Variants in HOMER1 observed in about 807,000 individuals in gnomAD.
The protein encoded by HOMER1 is homer scaffold protein 1, also known as homer protein homolog 1.
Under a neutral mutation model 48.9 loss-of-function variants are expected in HOMER1, and 3 were observed. The observed-to-expected ratio is 0.06, with a 90% CI of 0.03 to 0.16. The LOEUF is 0.16. Among genes scored for constraint, HOMER1 ranks in the 10% least tolerant of loss-of-function variants. HOMER1 has a pLI of 1.00. For synonymous variants in HOMER1, 134 were observed against 146.4 expected, an observed-to-expected ratio of 0.92 and a Z score of 0.61; for missense variants, 247 against 411.4, an observed-to-expected ratio of 0.60 and a Z score of 3.46.
chr5:79,503,100 T>A (rs1418510400), intron 1 of HOMER1, among the ~76,000 whole-genome samples: 3 of 152,196 alleles, frequency 2.0e-5, no homozygotes, highest in Non-Finnish European at 4.4e-5. Context: ...ATGTAACTTT[T>A]AACTCCTCAA....
chr5:79,413,725 G>A (rs988983999), intron 5 of HOMER1, among the ~76,000 whole-genome samples: 5 of 150,900 alleles, frequency 3.3e-5, no homozygotes, highest in Non-Finnish European at 5.9e-5. Context: ...TGTGCCTGCC[G>A]CCTTCTGGGC....
chr5:79,429,721 T>TAA (rs1225477002), intron 5 of HOMER1, among the ~76,000 whole-genome samples: 8 of 152,176 alleles, frequency 5.3e-5, no homozygotes, highest in Admixed American at 5.2e-4. Context: ...GAATTAGACT[T>TAA]ATTTAAAAAT....
intron 5 of HOMER1, among the ~76,000 whole-genome samples, chr5:79,428,965 A>G (rs1413751591): frequency 2.0e-5 from 3 of 152,234 alleles, no homozygotes; most frequent in Admixed American, 6.5e-5. Flanking sequence ...TAGGCACTAA[A>G]ATTCATAGGG....
At chr5:79,499,448 C>T (rs1752513988) in intron 1 of HOMER1, among the ~76,000 whole-genome samples, 1 of 151,926 alleles carries the variant, frequency 6.6e-6, no homozygotes, top group African/African-American at 2.4e-5. Flanking sequence ...AGTATACTTA[C>T]AATAATGTTT....
chr5:79,491,191 G>C (rs1711800340), intron 1 of HOMER1, among the ~76,000 whole-genome samples: 1 of 150,344 alleles, frequency 6.7e-6, no homozygotes, highest in Admixed American at 6.6e-5. Context: ...CAGCACACTG[G>C]GAGGCTGAGG....
chr5:79,378,384 AAAGG>A (rs1748834925), intron 8 of HOMER1, among the ~76,000 whole-genome samples: 1 of 150,816 alleles, frequency 6.6e-6, no homozygotes, highest in South Asian at 2.1e-4. Flanking sequence ...AATGATTTTT[AAAGG>A]AAGAATTTAA....
chr5:79,420,845 GCT>G, intron 5 of HOMER1, among the ~76,000 whole-genome samples: 1 of 152,154 alleles, frequency 6.6e-6, no homozygotes, highest in Non-Finnish European at 1.5e-5. Context: ...ACAAAGACAT[GCT>G]CCATACATGA....
intron 5 of HOMER1, among the ~76,000 whole-genome samples, chr5:79,408,143 T>A (rs562642968): frequency 6.6e-6 from 1 of 152,122 alleles, no homozygotes; most frequent in Admixed American, 6.5e-5. Flanking sequence ...CTACTATCCA[T>A]GGTTTCAGGC....
In HOMER1 at chr5:79,447,063, G is replaced by A. The variant is rs772448106; in HGVS notation, c.377C>T (p.Thr126Ile). 2.5e-6 allele frequency: 4 copies of A among 1,588,952 alleles called. No individual in the cohort carries two copies. The highest frequency in any genetic ancestry group is 1.7e-5 in the Admixed American group (1 of 59,990). The change falls in exon 4 of 9, where the codon ACA (threonine) becomes ATA (isoleucine). Residue 126 changes from threonine (T) to isoleucine (I), a missense_variant. By Grantham distance (89) the Thr-to-Ile change is moderately conservative. Coordinates refer to ENST00000334082, the MANE Select transcript of HOMER1 (RefSeq NM_004272.5). ...KSQEKMELTS[T>I]PSQESAGGDL... Reference sequence around the variant, plus strand: ...AAATGATATACCCACCTGTGAAGGTGTACTGGTAAGTTCCATCTTCTCTTG... The same window carrying A: ...AAATGATATACCCACCTGTGAAGGTATACTGGTAAGTTCCATCTTCTCTTG...
intron 1 of HOMER1, among the ~76,000 whole-genome samples, chr5:79,461,972 G>A (rs115539401): frequency 0.054 from 8,197 of 152,196 alleles, 550 homozygotes; most frequent in East Asian, 0.19. Context: ...GCCCAGGTGG[G>A]TTCATCACTT....
intron 1 of HOMER1, among the ~76,000 whole-genome samples, chr5:79,485,504 G>A (rs369770333): frequency 6.6e-6 from 1 of 152,272 alleles, no homozygotes; most frequent in East Asian, 1.9e-4. Flanking sequence ...CACAAAGTTT[G>A]GAACACGCTT....
intron 6 of HOMER1, among the ~76,000 whole-genome samples, chr5:79,398,824 T>C (rs1749463167): frequency 6.6e-6 from 1 of 152,154 alleles, no homozygotes; most frequent in African/African-American, 2.4e-5. Flanking sequence ...TAAGAACAAG[T>C]GATATTCATT....
At chr5:79,379,381 T>TTTTATATATTATATAAATATTTATATA (rs1748898664) in intron 8 of HOMER1, among the ~76,000 whole-genome samples, 1 of 111,080 alleles carries the variant, frequency 9.0e-6, no homozygotes, top group South Asian at 2.4e-4. Context: ...TATTTATATA[T>TTTTATATATTATATAAATATTTATATA]TTTATATATT....
chr5:79,379,705 A>G (rs934515482), intron 8 of HOMER1, among the ~76,000 whole-genome samples: 1 of 151,378 alleles, frequency 6.6e-6, no homozygotes, highest in Non-Finnish European at 1.5e-5. Context: ...GCGGCCTCCC[A>G]AAGTGCTGGG....
At position 79,402,037 on chromosome 5, in the gene HOMER1, A is replaced by G. The variant is rs757334401; in HGVS notation, c.546T>C (p.His182=). The part of the protein sequence containing the change: ...PFSHSSAISK[H]WEAELATLKG... ...TGAGGGTAGCCAGTTCAGCCTCCCA[A>G]TGTTTGCTGATTGCTGAACTAAAAT... Residue 182 remains histidine, a synonymous_variant, in exon 6 of 9, where the codon CAT becomes CAC. Transcript: ENST00000334082. The G allele has an allele frequency of 1.7e-5, 28 of 1,613,392 alleles. No homozygotes were observed. In the South Asian group the frequency reaches 2.3e-4, roughly 13 times the overall value.
intron 6 of HOMER1, among the ~76,000 whole-genome samples, chr5:79,399,783 AATC>A (rs566586797): frequency 6.6e-6 from 1 of 152,152 alleles, no homozygotes; most frequent in Non-Finnish European, 1.5e-5. Context: ...TGTAACTTAT[AATC>A]AAGACAAAAT....
Position 79,375,781 on chromosome 5 carries a change from G to A in HOMER1, c.*228C>T. The A allele has an allele frequency of 2.7e-6, 1 of 375,424 alleles. No homozygotes were observed. Among genetic ancestry groups the A allele is most frequent in the Non-Finnish European group, 4.7e-6 (1 of 211,240 alleles). The allele number at this position is 375,424 out of a possible 1,614,324, so 23.3% of individuals were successfully genotyped here. On this transcript the variant is annotated 3_prime_UTR_variant, in exon 9 of 9. Transcript: ENST00000334082. ...ACTATGGCCAATAATATACATGGAG[G>A]TAATTTGTAGTTCAAGTTTTTCATC...
chr5:79,508,313 A>G (rs562488402), intron 1 of HOMER1, among the ~76,000 whole-genome samples: 5 of 152,330 alleles, frequency 3.3e-5, no homozygotes, highest in African/African-American at 4.8e-5. Context: ...AGAAACTACC[A>G]GAGTGTACCA....
rs1561340320 is a variant in HOMER1, at chr5:79,379,115, A to AATATATATATATATATATATAT, written c.877-2919_877-2918insATATATATATATATATATATAT. The stretch of plus-strand genomic sequence containing the variant: ...ATATATATATATATATATATATATA[A>AATATATATATATATATATATAT]AATATATAAATATTTATTTATATAT... On this transcript the variant is annotated intron_variant, in intron 8 of 8. Transcript: ENST00000334082. Among the ~76,000 whole-genome samples the AATATATATATATATATATATAT allele has an allele frequency of 1.4e-4, 8 of 55,622 alleles. 1 individual carries two copies. Among genetic ancestry groups the AATATATATATATATATATATAT allele is most frequent in the Non-Finnish European group, 1.4e-4 (4 of 28,122 alleles). The allele number at this position is 55,622 out of a possible 152,430, so 36.5% of individuals were successfully genotyped here.
Sources: allele counts gnomAD v4.1 joint callset (sites outside exome capture counted in the v4.1 genomes callset), GRCh38; gene constraint gnomAD v4.1.1; transcripts MANE v1.5; gene names NCBI Gene and HGNC (gene_info 2026-07-23, HGNC 2026-07-21).